Variants in CCR2 observed in about 807,000 individuals in gnomAD.
CCR2 encodes C-C chemokine receptor type 2.
For missense variants in CCR2, 408 were observed against 440.0 expected (o/e 0.93, Z 0.65); for synonymous variants, 183 against 177.1 (o/e 1.03, Z -0.27).
rs887889298 is a variant in CCR2, at chr3:46,360,293, CTA to C, written c.*1685_*1686del. On this transcript the variant is annotated 3_prime_UTR_variant, in exon 2 of 2. Transcript: ENST00000445132. ...GTGTGTGATCTGTGGGCACATTAGC[CTA>C]TGTGCATGCAGCATCTAAGTAATGA... 24 of 192,134 alleles carry C rather than the reference CTA, an allele frequency of 1.2e-4. No individual in the cohort carries two copies. The highest frequency in any genetic ancestry group is 5.5e-4 in the African/African-American group (23 of 41,656). The allele number at this position is 192,134 out of a possible 1,614,324, so 11.9% of individuals were successfully genotyped here.
intron 1 of CCR2, among the ~76,000 whole-genome samples, chr3:46,355,845 G>A (rs892926489): frequency 6.6e-6 from 1 of 152,138 alleles, no homozygotes; most frequent in African/African-American, 2.4e-5. Flanking sequence ...TAAAGAAATC[G>A]GCACTTGAAG....
rs539087679 is a variant in CCR2 at position 46,358,225 on chromosome 3, G to A, written c.698G>A (p.Arg233Gln). The A allele has an allele frequency of 2.0e-5, 32 of 1,614,128 alleles. 1 individual carries two copies. The Middle Eastern group carries it at 4.9e-4, about 25-fold the overall frequency. Residue 233 changes from arginine (R) to glutamine (Q), a missense_variant, in exon 2 of 2, where the codon CGA becomes CAA. Transcript: ENST00000445132. ...ATCCTGAAAACCCTGCTTCGGTGTC[G>A]AAACGAGAAGAAGAGGCATAGGGCA... ...SGILKTLLRC[R>Q]NEKKRHRAVR... is the part of the protein sequence containing the mutation.
At position 46,357,518 on chromosome 3, in the gene CCR2, C is replaced by T. The variant is rs368137759; in HGVS notation, c.-10C>T. 284 of 1,610,678 alleles carry T rather than the reference C, an allele frequency of 1.8e-4. No homozygotes were observed. The highest frequency in any genetic ancestry group is 2.3e-4 in the Non-Finnish European group (267 of 1,177,428). ...TGAACAAGGACGCATTTCCCCAGTACATCCACAACATGCTGTCCACATCTC... is the reference window on the plus strand; with the variant it reads ...TGAACAAGGACGCATTTCCCCAGTATATCCACAACATGCTGTCCACATCTC... On this transcript the variant is annotated 5_prime_UTR_variant, in exon 2 of 2. Coordinates refer to ENST00000445132, the MANE Select transcript of CCR2 (RefSeq NM_001123396.4).
intron 1 of CCR2, among the ~76,000 whole-genome samples, chr3:46,357,032 C>A (rs1451719971): frequency 6.6e-6 from 1 of 152,106 alleles, no homozygotes; most frequent in Non-Finnish European, 1.5e-5. Context: ...CCATTCATGG[C>A]ACCATGCCCT....
Position 46,359,069 on chromosome 3 carries a change from A to G in CCR2, c.*459A>G. 9.9e-7 allele frequency: 1 copy of G among 1,014,004 alleles called. No homozygotes were observed. Among genetic ancestry groups the G allele is most frequent in the Non-Finnish European group, 1.2e-6 (1 of 838,072 alleles). 62.8% of individuals were successfully genotyped at this position (1,014,004 alleles called of 1,614,324 possible). On this transcript the variant is annotated 3_prime_UTR_variant, in exon 2 of 2. Transcript: ENST00000445132. Reference sequence around the variant, plus strand: ...CTGAGCCTGGACAAAGACAAAGGTGAGCAAAGGGCTCACGCATTCAGCCAG... The same window carrying G: ...CTGAGCCTGGACAAAGACAAAGGTGGGCAAAGGGCTCACGCATTCAGCCAG...
At position 46,357,716 on chromosome 3, in the gene CCR2, C is replaced by G. The variant is rs113016448; in HGVS notation, c.189C>G (p.Val63=). ...FIFGFVGNML[V]VLILINCKKL... is the part of the protein sequence containing the mutation. ...TTGGTTTTGTGGGCAACATGCTGGT[C>G]GTCCTCATCTTAATAAACTGCAAAA... Residue 63 remains valine (V), a synonymous_variant, in exon 2 of 2, where the codon GTC becomes GTG. Coordinates refer to ENST00000445132, the MANE Select transcript of CCR2 (RefSeq NM_001123396.4). 8.7e-6 allele frequency: 14 copies of G among 1,614,136 alleles called. No individual in the cohort carries two copies. In the South Asian group the frequency reaches 1.3e-4, roughly 15 times the overall value.
In CCR2 at chr3:46,358,408, G is replaced by A; in HGVS notation, c.881G>A (p.Gly294Glu). 2 of 1,614,022 alleles carry A rather than the reference G, an allele frequency of 1.2e-6. No homozygotes were observed. Among genetic ancestry groups the A allele is most frequent in the South Asian group, 1.1e-5 (1 of 91,076 alleles). Residue 294 changes from glycine (G) to glutamate (E), a missense_variant, in exon 2 of 2, where the codon GGG becomes GAG. Physicochemically the swap from Gly to Glu is moderately conservative, Grantham distance 98 (BLOSUM62 -2). Coordinates refer to ENST00000445132, the MANE Select transcript of CCR2 (RefSeq NM_001123396.4). ...DQATQVTETL[G>E]MTHCCINPII... is the part of the protein sequence containing the mutation. Reference sequence around the variant, plus strand: ...GCCACGCAGGTGACAGAGACTCTTGGGATGACTCACTGCTGCATCAATCCC... The same window carrying A: ...GCCACGCAGGTGACAGAGACTCTTGAGATGACTCACTGCTGCATCAATCCC...
rs1268306189 is a variant in CCR2 at position 46,360,377 on chromosome 3, C to T, written c.*1767C>T. ...CTGTCATCTCAGCTGGATCTCCATT[C>T]TCTCAGGCTTGCTGCCAAAAGCCTT... On this transcript the variant is annotated 3_prime_UTR_variant, in exon 2 of 2. Transcript: ENST00000445132. The T allele has an allele frequency of 1.3e-5, 2 of 153,418 alleles. No individual in the cohort carries two copies. The highest frequency in any genetic ancestry group is 2.0e-4 in the South Asian group (1 of 4,930). 9.5% of individuals were successfully genotyped at this position (153,418 alleles called of 1,614,324 possible).
chr3:46,357,598 T>C lies in CCR2; in HGVS notation c.71T>C (p.Phe24Ser). The change falls in exon 2 of 2, where the codon TTT becomes TCT. Residue 24 changes from phenylalanine to serine, a missense_variant. Phe to Ser is a radical substitution (Grantham distance 155, BLOSUM62 -2). Transcript: ENST00000445132. ...NESGEEVTTF[F>S]DYDYGAPCHK... ...AGCGGTGAAGAAGTCACCACCTTTT[T>C]TGATTATGATTACGGTGCTCCCTGT... is the stretch of plus-strand genomic sequence containing the variant. 1 of 1,614,140 alleles carries C rather than the reference T, an allele frequency of 6.2e-7. No individual in the cohort carries two copies. Among genetic ancestry groups the C allele is most frequent in the Non-Finnish European group, 8.5e-7 (1 of 1,180,016 alleles).
Position 46,360,231 on chromosome 3 carries a change from A to T in CCR2, c.*1621A>T. 4.1e-6 allele frequency: 1 copy of T among 245,850 alleles called. No individual in the cohort carries two copies. The allele number at this position is 245,850 out of a possible 1,614,324, so 15.2% of individuals were successfully genotyped here. On this transcript the variant is annotated 3_prime_UTR_variant, in exon 2 of 2. Coordinates refer to ENST00000445132, the MANE Select transcript of CCR2 (RefSeq NM_001123396.4). ...AGGTGGTATGTTTGGGAGACTGCTG[A>T]GTCAACCCAATAGTTGTTGATTGGC...
Position 46,359,035 on chromosome 3 carries a change from T to G in CCR2, c.*425T>G, listed in dbSNP as rs1232516325. 1.7e-5 allele frequency: 17 copies of G among 1,021,068 alleles called. No individual in the cohort carries two copies. Among genetic ancestry groups the G allele is most frequent in the Non-Finnish European group, 2.0e-5 (17 of 842,290 alleles). 63.3% of individuals were successfully genotyped at this position (1,021,068 alleles called of 1,614,324 possible). On this transcript the variant is annotated 3_prime_UTR_variant, in exon 2 of 2. Transcript: ENST00000445132. ...GGCTGAGAGGAGAAGGAGGGAGACA[T>G]GAGCATGGCTGAGCCTGGACAAAGA...
rs556796443 is a variant in CCR2 at position 46,359,108 on chromosome 3, T to C, written c.*498T>C. The C allele has an allele frequency of 2.0e-6, 2 of 1,009,078 alleles. No homozygotes were observed. Among genetic ancestry groups the C allele is most frequent in the South Asian group, 4.5e-5 (1 of 22,202 alleles). The allele number at this position is 1,009,078 out of a possible 1,614,324, so 62.5% of individuals were successfully genotyped here. ...GCATTCAGCCAGGAGATGATACTGG[T>C]CCTTAGCCCCATCTGCCACGTGTAT... On this transcript the variant is annotated 3_prime_UTR_variant, in exon 2 of 2. Transcript: ENST00000445132.
chr3:46,358,767 A>T lies in CCR2; in HGVS notation c.*157A>T. On this transcript the variant is annotated 3_prime_UTR_variant, in exon 2 of 2. Transcript: ENST00000445132. ...ATACAGACTATGTCACCCAATGCAT[A>T]TCCAACATGTGCTCAGGGAATAATC... 7 of 1,430,326 alleles carry T rather than the reference A, an allele frequency of 4.9e-6. No homozygotes were observed. 88.6% of individuals were successfully genotyped at this position (1,430,326 alleles called of 1,614,324 possible). A position where few individuals can be genotyped will look rare whatever the true frequency, so the allele number is the denominator to read the frequency against.
chr3:46,356,884 A>G (rs941675500), intron 1 of CCR2, among the ~76,000 whole-genome samples: 2 of 151,120 alleles, frequency 1.3e-5, no homozygotes, highest in African/African-American at 4.9e-5. Flanking sequence ...TGGCCACTGC[A>G]CTATAGCCTG....
In CCR2 at chr3:46,357,575, C is replaced by T. The variant is rs372092396; in HGVS notation, c.48C>T (p.Ser16=). Reference sequence around the variant, plus strand: ...GGTTTATCAGAAATACCAACGAGAGCGGTGAAGAAGTCACCACCTTTTTTG... The same window carrying T: ...GGTTTATCAGAAATACCAACGAGAGTGGTGAAGAAGTCACCACCTTTTTTG... ...RSRFIRNTNE[S]GEEVTTFFDY... Residue 16 remains serine, a synonymous_variant, in exon 2 of 2, where the codon AGC becomes AGT. Coordinates refer to ENST00000445132, the MANE Select transcript of CCR2 (RefSeq NM_001123396.4). The T allele has an allele frequency of 2.4e-5, 38 of 1,613,998 alleles. 1 individual carries two copies. In the Middle Eastern group the frequency reaches 5.0e-4, roughly 21 times the overall value.
intron 1 of CCR2, among the ~76,000 whole-genome samples, chr3:46,356,969 A>C (rs3918383): frequency 0.058 from 8,786 of 150,992 alleles, 836 homozygotes; most frequent in African/African-American, 0.2. Context: ...GGGTGGGTTT[A>C]GGACTCAGTG....
chr3:46,358,029 G>T lies in CCR2; in HGVS notation c.502G>T (p.Ala168Ser), dbSNP rs1451205983. ...VVTSVITWLVAVFASVPGIIF... is the reference protein window; with the variant it reads ...VVTSVITWLVSVFASVPGIIF... ...GACAAGTGTGATCACCTGGTTGGTG[G>T]CTGTGTTTGCTTCTGTCCCAGGAAT... Residue 168 changes from alanine to serine, a missense_variant, in exon 2 of 2, where the codon GCT becomes TCT. By Grantham distance (99) the Ala-to-Ser change is moderately conservative. Transcript: ENST00000445132. The T allele has an allele frequency of 6.2e-7, 1 of 1,614,148 alleles. No individual in the cohort carries two copies. Among genetic ancestry groups the T allele is most frequent in the South Asian group, 1.1e-5 (1 of 91,084 alleles).
At chr3:46,355,038 T>G (rs1701426876) in intron 1 of CCR2, 2 of 152,214 alleles carry the variant, frequency 1.3e-5, no homozygotes, top group South Asian at 4.1e-4. Context: ...GGCTTATAGT[T>G]CTTATTATAA....
At position 46,358,966 on chromosome 3, in the gene CCR2, T is replaced by C. The variant is rs1463930058; in HGVS notation, c.*356T>C. 1 of 1,071,302 alleles carries C rather than the reference T, an allele frequency of 9.3e-7. No individual in the cohort carries two copies. The highest frequency in any genetic ancestry group is 3.2e-5 in the South Asian group (1 of 31,210). The allele number at this position is 1,071,302 out of a possible 1,614,324, so 66.4% of individuals were successfully genotyped here. A position where few individuals can be genotyped will look rare whatever the true frequency, so the allele number is the denominator to read the frequency against. The stretch of plus-strand genomic sequence containing the variant: ...GGCCAGCTGGAGGTGAAGAAGAGAA[T>C]GTGACAGGCACAGATGAATGGGAGT... On this transcript the variant is annotated 3_prime_UTR_variant, in exon 2 of 2. Transcript: ENST00000445132.
Sources: allele counts gnomAD v4.1 joint callset (sites outside exome capture counted in the v4.1 genomes callset), GRCh38; gene constraint gnomAD v4.1.1; transcripts MANE v1.5; gene names NCBI Gene and HGNC (gene_info 2026-07-23, HGNC 2026-07-21).